The following KCNMB3 variants were observed in gnomAD, a reference collection of about 807,000 sequenced individuals.
KCNMB3 encodes the protein calcium-activated potassium channel subunit beta-3.
KCNMB3 carries 18 observed loss-of-function variants against 11.9 expected under a neutral mutation model. That is an observed-to-expected ratio of 1.51 (90% CI 1.04 to 2.23). KCNMB3 has a LOEUF of 2.23. KCNMB3 is among the 30% of genes most tolerant of loss of function. KCNMB3 has a pLI of 0.00. For missense variants in KCNMB3, 247 were observed against 329.4 expected, an observed-to-expected ratio of 0.75 and a Z score of 1.94; for synonymous variants, 78 against 119.2, an observed-to-expected ratio of 0.65 and a Z score of 2.25.
At chr3:179,261,588 C>A (rs1489827181) in intron 1 of KCNMB3, among the ~76,000 whole-genome samples, 2 of 150,360 alleles carry the variant, frequency 1.3e-5, no homozygotes, top group Non-Finnish European at 1.5e-5. Context: ...CCCACACTTG[C>A]AATTTTTTTA....
chr3:179,255,261 A>G (rs745902893), upstream of KCNMB3, among the ~76,000 whole-genome samples: 9 of 151,946 alleles, frequency 5.9e-5, no homozygotes, highest in Non-Finnish European at 1.0e-4. Context: ...AAAATAGACC[A>G]CAAAATGAGA....
At chr3:179,248,720 C>G (rs936201825) in intron 1 of KCNMB3, among the ~76,000 whole-genome samples, 5 of 145,858 alleles carry the variant, frequency 3.4e-5, no homozygotes, top group Admixed American at 1.4e-4. Context: ...AGAGTGACAC[C>G]CTGCTTCAAA....
chr3:179,241,867 C>T (rs1173778585), downstream of KCNMB3: 1 of 154,116 alleles, frequency 6.5e-6, no homozygotes, highest in Non-Finnish European at 1.5e-5. Context: ...CAGCCTAATA[C>T]GATGTGGATC....
chr3:179,266,510 TA>T, intron 1 of KCNMB3: 1 of 919,964 alleles, frequency 1.1e-6, no homozygotes, highest in Non-Finnish European at 1.6e-6. Context: ...GCCTGCTGGG[TA>T]CCCTGGGAGG....
downstream of KCNMB3, chr3:179,240,385 G>C (rs181034528): frequency 4.4e-6 from 1 of 226,432 alleles, no homozygotes; most frequent in Non-Finnish European, 8.7e-6. Flanking sequence ...AGAAATATAT[G>C]TATATACATA....
At chr3:179,255,255 T>A (rs1477189), upstream of KCNMB3, among the ~76,000 whole-genome samples, 68,911 of 149,126 alleles carry the variant, frequency 0.46, 17,650 homozygotes, top group East Asian at 0.87. Flanking sequence ...GCAAAAAAAA[T>A]AGACCACAAA....
intron 1 of KCNMB3, chr3:179,258,843 A>G (rs992285007): frequency 1.3e-6 from 2 of 1,512,002 alleles, no homozygotes; most frequent in South Asian, 2.3e-5. Flanking sequence ...GATAACCTCA[A>G]TGATTACATG....
intron 1 of KCNMB3, among the ~76,000 whole-genome samples, chr3:179,263,800 C>CTTTTTTTTTTTTTTTTTTTTTTTTT (rs60270913): frequency 1.0e-4 from 6 of 59,976 alleles, no homozygotes; most frequent in Admixed American, 2.5e-4. Flanking sequence ...TTTTTCTTTT[C>CTTTTTTTTTTTTTTTTTTTTTTTTT]TTTTTTTTTT....
intron 1 of KCNMB3, among the ~76,000 whole-genome samples, chr3:179,264,105 C>T (rs935621781): frequency 6.6e-6 from 1 of 152,000 alleles, no homozygotes; most frequent in Non-Finnish European, 1.5e-5. Flanking sequence ...CGCACCTGGC[C>T]TATATTGTTT....
Position 179,242,967 on chromosome 3 carries a change from T to C in KCNMB3, c.765A>G (p.Ile255Met). 1 of 1,606,126 alleles carries C rather than the reference T, an allele frequency of 6.2e-7. No individual in the cohort carries two copies. The highest frequency in any genetic ancestry group is 8.5e-7 in the Non-Finnish European group (1 of 1,177,754). The change falls in exon 3 of 3, where the codon ATA becomes ATG. Residue 255 changes from isoleucine to methionine, a missense_variant. By Grantham distance (10) the Ile-to-Met change is conservative. Coordinates refer to ENST00000392685, the MANE Select transcript of KCNMB3 (RefSeq NM_171830.2). ...RDEVGGKVPYIEQHQFKLCIM... is the reference protein window; with the variant it reads ...RDEVGGKVPYMEQHQFKLCIM... ...TGCACAGTTTGAACTGATGCTGTTC[T>C]ATATAAGGTACTTTTCCACCTACCT...
At chr3:179,261,349 C>T (rs1431978684) in intron 1 of KCNMB3, 5 of 1,160,948 alleles carry the variant, frequency 4.3e-6, no homozygotes, top group Non-Finnish European at 5.3e-6. Flanking sequence ...GCGGGCCGGG[C>T]CAGGGGGCGC....
rs892031141 is a variant in KCNMB3 at position 179,249,000 on chromosome 3, C to A, written c.248+1743G>T. 7.4e-5 allele frequency among the ~76,000 whole-genome samples: 11 copies of A among 148,476 alleles called. 1 individual carries two copies. Among genetic ancestry groups the A allele is most frequent in the Admixed American group, 6.8e-4 (10 of 14,756 alleles). ...GCACTCCAGTGTCACAGAGCAAGAC[C>A]CCGTCTCTTTTTTTTTTTTTTTTTT... On this transcript the variant is annotated intron_variant, in intron 1 of 2. Transcript: ENST00000392685.
At chr3:179,256,885 G>A (rs901686828) in intron 1 of KCNMB3, among the ~76,000 whole-genome samples, 1 of 152,166 alleles carries the variant, frequency 6.6e-6, no homozygotes, top group Non-Finnish European at 1.5e-5. Context: ...AGTAGGGCAG[G>A]CTGTGGTGGC....
rs1232106210 is a variant in KCNMB3 at position 179,243,067 on chromosome 3, A to G, written c.665T>C (p.Leu222Pro). 1.9e-6 allele frequency: 3 copies of G among 1,583,836 alleles called. No individual in the cohort carries two copies. Among genetic ancestry groups the G allele is most frequent in the Admixed American group, 1.8e-5 (1 of 56,584 alleles). The change falls in exon 3 of 3, where the codon CTG becomes CCG. Residue 222 changes from leucine (L) to proline (P), a missense_variant. Leu to Pro is a moderately conservative substitution (Grantham distance 98). Coordinates refer to ENST00000392685, the MANE Select transcript of KCNMB3 (RefSeq NM_171830.2). ...TGTTAATCTCACCATGCCAACAATC[A>G]GGGCACCACCTAGCAGAGTCAGTGA... ...WPSLTLLGGA[L>P]IVGMVRLTQH...
upstream of KCNMB3, among the ~76,000 whole-genome samples, chr3:179,253,315 C>T (rs1248452685): frequency 1.3e-5 from 2 of 152,082 alleles, no homozygotes; most frequent in Admixed American, 6.6e-5. Flanking sequence ...TATAAAAAAC[C>T]GGCATAACCC....
At position 179,250,872 on chromosome 3, in the gene KCNMB3, T is replaced by C. The variant is rs1170672; in HGVS notation, c.119A>G (p.Asp40Gly). ...ACTGGATGGCAGCCTCTTGTGCACA[T>C]CTAGTGGGTCTCCATCACTGTAGTC... ...ETDYSDGDPL[D>G]VHKRLPSSAG... Residue 40 changes from aspartate to glycine, a missense_variant, in exon 1 of 3, where the codon GAT becomes GGT. By Grantham distance (94) the Asp-to-Gly change is moderately conservative. Around this residue, in one of 2 missense-constraint regions of KCNMB3, gnomAD observed 160 missense variants for 157.5 expected, o/e 1.02. Coordinates refer to ENST00000392685, the MANE Select transcript of KCNMB3 (RefSeq NM_171830.2). 0.11 allele frequency: 169,506 copies of C among 1,613,954 alleles called. 10,051 individuals carry two copies. The highest frequency in any genetic ancestry group is 0.15 in the South Asian group (13,581 of 91,072).
chr3:179,242,400 G>GA (rs71181273), downstream of KCNMB3: 136 of 145,078 alleles, frequency 9.4e-4, no homozygotes, highest in Non-Finnish European at 8.3e-4. Flanking sequence ...TCTCAAAAAG[G>GA]AAAAAAAAAA....
At chr3:179,255,274 C>G (rs1345736298), upstream of KCNMB3, among the ~76,000 whole-genome samples, 1 of 151,198 alleles carries the variant, frequency 6.6e-6, no homozygotes, top group Admixed American at 6.6e-5. Flanking sequence ...AAATGAGATC[C>G]ACGAAAAATT....
intron 1 of KCNMB3, among the ~76,000 whole-genome samples, chr3:179,245,516 G>GT (rs1553828086): frequency 7.1e-6 from 1 of 140,276 alleles, no homozygotes; most frequent in Non-Finnish European, 1.5e-5. Context: ...AATTTTTTTG[G>GT]GGGGGGGGAT....
Sources: allele counts gnomAD v4.1 joint callset (sites outside exome capture counted in the v4.1 genomes callset), GRCh38; gene constraint gnomAD v4.1.1; regional missense constraint gnomAD v4.1.1; transcripts MANE v1.5; gene names NCBI Gene and HGNC (gene_info 2026-07-23, HGNC 2026-07-21).